Variants in ZNF487 observed in about 807,000 individuals in gnomAD.
ZNF487 encodes the protein zinc finger protein 487.
ZNF487 carries 4 observed loss-of-function variants against 3.0 expected under a neutral mutation model. That is an observed-to-expected ratio of 1.35 (90% confidence interval 0.66 to 3.08). The LOEUF is 3.08. Among genes scored for constraint, ZNF487 ranks in the 30% most tolerant of loss-of-function variants. The probability of loss-of-function intolerance (pLI) is 0.01; values close to 1 mark genes in which losing one functional copy is unlikely to be tolerated. For synonymous variants in ZNF487, 55 were observed against 34.6 expected (o/e 1.59, Z -2.06); for missense variants, 146 against 98.7 (o/e 1.48, Z -2.03).
the ZNF487 span, among the ~76,000 whole-genome samples, chr10:43,509,211 T>C: frequency 6.7e-6 from 1 of 150,222 alleles, no homozygotes; most frequent in South Asian, 2.1e-4. Flanking sequence ...AAAAAAGAAT[T>C]GAAACTTGTA....
the ZNF487 span, among the ~76,000 whole-genome samples, chr10:43,502,539 A>G: frequency 6.6e-6 from 1 of 152,152 alleles, no homozygotes; most frequent in Non-Finnish European, 1.5e-5. Context: ...AAAAGAAACT[A>G]AATACCTAAA....
chr10:43,455,867 C>T (rs1018911516), intron 1 of ZNF487, among the ~76,000 whole-genome samples: 18 of 152,224 alleles, frequency 1.2e-4, no homozygotes, highest in African/African-American at 4.1e-4. Context: ...GTGGGGACTA[C>T]GGGGACGCTT....
chr10:43,484,585 C>T (rs979834526), downstream of ZNF487, among the ~76,000 whole-genome samples: 5 of 151,668 alleles, frequency 3.3e-5, no homozygotes, highest in South Asian at 2.1e-4. Context: ...CCAGCCTGGG[C>T]GACGGAGCAA....
At chr10:43,466,535 T>C (rs1236508242) in intron 1 of ZNF487, among the ~76,000 whole-genome samples, 1 of 151,540 alleles carries the variant, frequency 6.6e-6, no homozygotes. Flanking sequence ...CCTGAGTAGC[T>C]GGGATTACAG....
chr10:43,456,171 C>T (rs1416753031), intron 1 of ZNF487, among the ~76,000 whole-genome samples: 3 of 152,288 alleles, frequency 2.0e-5, no homozygotes, highest in African/African-American at 7.2e-5. Context: ...TTTGAAGAAC[C>T]AACCCGAGAT....
At chr10:43,456,935 A>T (rs1204146356) in intron 1 of ZNF487, among the ~76,000 whole-genome samples, 1 of 152,088 alleles carries the variant, frequency 6.6e-6, no homozygotes, top group Non-Finnish European at 1.5e-5. Flanking sequence ...TGAATTATTT[A>T]CTCATTCCAG....
intron 1 of ZNF487, among the ~76,000 whole-genome samples, chr10:43,449,787 T>G (rs1265777409): frequency 6.6e-6 from 1 of 150,946 alleles, no homozygotes; most frequent in Non-Finnish European, 1.5e-5. Flanking sequence ...TCAAGTGATT[T>G]TCCTGCCTCA....
the ZNF487 span, among the ~76,000 whole-genome samples, chr10:43,489,343 AT>A: frequency 6.6e-6 from 1 of 152,060 alleles, no homozygotes; most frequent in Non-Finnish European, 1.5e-5. Context: ...ATACACATTT[AT>A]TTATTTATTT....
At chr10:43,509,192 C>CAAA in the ZNF487 span, among the ~76,000 whole-genome samples, 1 of 130,348 alleles carries the variant, frequency 7.7e-6, no homozygotes, top group African/African-American at 3.0e-5. Context: ...AGACTCTGTC[C>CAAA]AAAAAAAAAA....
chr10:43,458,173 C>T (rs1459382980), intron 1 of ZNF487: 1 of 152,160 alleles, frequency 6.6e-6, no homozygotes, highest in Admixed American at 6.5e-5. Flanking sequence ...TTTATTTTGC[C>T]AAAGTTGAGG....
chr10:43,450,139 G>A (rs891792926), intron 1 of ZNF487, among the ~76,000 whole-genome samples: 1 of 152,176 alleles, frequency 6.6e-6, no homozygotes, highest in East Asian at 1.9e-4. Flanking sequence ...CGCCTCTCGG[G>A]TTCAAGTGAT....
intron 1 of ZNF487, among the ~76,000 whole-genome samples, chr10:43,438,805 A>G (rs979859195): frequency 3.3e-5 from 5 of 152,178 alleles, no homozygotes; most frequent in Non-Finnish European, 4.4e-5. Flanking sequence ...TCTTGGCTGG[A>G]TGCAGCGGCT....
the ZNF487 span, among the ~76,000 whole-genome samples, chr10:43,518,106 A>C: frequency 6.6e-6 from 1 of 152,178 alleles, no homozygotes; most frequent in Non-Finnish European, 1.5e-5. Flanking sequence ...ATCTCTGGGA[A>C]TCTCTTGCCT....
chr10:43,505,331 C>T, the ZNF487 span, among the ~76,000 whole-genome samples: 1 of 151,766 alleles, frequency 6.6e-6, no homozygotes, highest in Non-Finnish European at 1.5e-5. Flanking sequence ...GTCACCTAGA[C>T]TGGAGTGCAG....
At chr10:43,455,560 G>T (rs1840156673) in intron 1 of ZNF487, among the ~76,000 whole-genome samples, 1 of 152,242 alleles carries the variant, frequency 6.6e-6, no homozygotes, top group Non-Finnish European at 1.5e-5. Context: ...GGACGACGCA[G>T]CTCAGGGCGG....
chr10:43,440,051 TA>T (rs1021158905), intron 1 of ZNF487, among the ~76,000 whole-genome samples: 5 of 84,878 alleles, frequency 5.9e-5, no homozygotes, highest in Non-Finnish European at 1.2e-4. Context: ...TATATATATA[TA>T]TATTTTTTTT....
At chr10:43,496,415 A>G in the ZNF487 span, among the ~76,000 whole-genome samples, 193 of 152,184 alleles carry the variant, frequency 1.3e-3, no homozygotes, top group African/African-American at 4.4e-3. Flanking sequence ...GCTGAGTCCT[A>G]AGTCATTTCT....
At chr10:43,480,547 C>A (rs544722494) in intron 3 of ZNF487, among the ~76,000 whole-genome samples, 70 of 152,166 alleles carry the variant, frequency 4.6e-4, no homozygotes, top group Admixed American at 7.9e-4. Flanking sequence ...TCCCGAGTAG[C>A]TGGGATTACA....
chr10:43,464,864 C>T (rs534687035), intron 1 of ZNF487, among the ~76,000 whole-genome samples: 1 of 152,138 alleles, frequency 6.6e-6, no homozygotes, highest in East Asian at 1.9e-4. Flanking sequence ...CATCATGGCC[C>T]GTTCTTAATG....
Sources: gnomAD v4.1 joint callset for allele counts (sites outside exome capture counted in the v4.1 genomes callset) on GRCh38, gnomAD v4.1.1 for gene constraint, MANE v1.5 for transcripts, NCBI Gene and HGNC (gene_info 2026-07-23, HGNC 2026-07-21) for gene names.